ADAM22: variants seen among roughly 807,000 people sequenced by gnomAD.
ADAM22 encodes the protein ADAM metallopeptidase domain 22.
In ADAM22, 65 loss-of-function variants were observed where a neutral mutation model predicts 144.6. The ratio of observed to expected loss-of-function variants is 0.45; its 90% CI spans 0.37 to 0.55. The LOEUF (loss-of-function observed/expected upper bound fraction) is 0.55. Ranked by LOEUF, ADAM22 falls within the 20% of genes least tolerant of loss-of-function variation. ADAM22 has a pLI of 0.00. For synonymous variants in ADAM22, 391 were observed against 412.6 expected (o/e 0.95, Z 0.63); for missense variants, 974 against 1,184.9 (o/e 0.82, Z 2.61).
intron 3 of ADAM22, among the ~76,000 whole-genome samples, chr7:87,980,779 G>A (rs570094920): frequency 1.2e-4 from 19 of 152,256 alleles, no homozygotes; most frequent in African/African-American, 4.1e-4. Context: ...GAAAAGCACA[G>A]CCAGTTTCTT....
At chr7:88,121,280 A>AT (rs938709257) in intron 7 of ADAM22, among the ~76,000 whole-genome samples, 5 of 151,938 alleles carry the variant, frequency 3.3e-5, no homozygotes, top group Admixed American at 2.0e-4. Flanking sequence ...TAATTCTGGG[A>AT]TTTTTATTAG....
chr7:88,164,717 C>T (rs1331389210), intron 23 of ADAM22, among the ~76,000 whole-genome samples: 1 of 152,042 alleles, frequency 6.6e-6, no homozygotes, highest in African/African-American at 2.4e-5. Context: ...TTGTAAAACA[C>T]TTAAAACAAG....
chr7:88,146,843 C>G (rs1048634286), intron 17 of ADAM22, among the ~76,000 whole-genome samples: 3 of 152,194 alleles, frequency 2.0e-5, no homozygotes, highest in African/African-American at 7.2e-5. Flanking sequence ...CTCCTGGCAG[C>G]TTTTTAAGAC....
chr7:88,171,746 A>G (rs1273917452), intron 26 of ADAM22, among the ~76,000 whole-genome samples, 185 bp downstream of exon 26: 1 of 151,792 alleles, frequency 6.6e-6, no homozygotes, highest in Non-Finnish European at 1.5e-5. Context: ...AGCAATTTAA[A>G]ATAGATCTGT....
Position 88,083,198 on chromosome 7 carries a change from T to A in ADAM22, c.390+7506T>A, listed in dbSNP as rs1374377231. 3.9e-5 allele frequency among the ~76,000 whole-genome samples: 6 copies of A among 152,288 alleles called. No individual in the cohort carries two copies. The East Asian group carries it at 1.2e-3, about 29-fold the overall frequency. On this transcript the variant is annotated intron_variant, in intron 4 of 31. Coordinates refer to ENST00000413139, the MANE Select transcript of ADAM22 (RefSeq NM_001324418.2). ...CTCATGTCCTTTGTAGGGACATGGA[T>A]GAAGCTGGAAACCATCATTCTCAGC... is the stretch of plus-strand genomic sequence containing the variant.
intron 26 of ADAM22, among the ~76,000 whole-genome samples, chr7:88,176,926 A>G (rs746675802): frequency 9.2e-5 from 14 of 152,046 alleles, no homozygotes; most frequent in African/African-American, 2.4e-4. Context: ...CACCACACCC[A>G]GCTAATTTTT....
chr7:88,108,921 GATA>G (rs1398209491), intron 5 of ADAM22, among the ~76,000 whole-genome samples: 1 of 152,118 alleles, frequency 6.6e-6, no homozygotes, highest in African/African-American at 2.4e-5. Flanking sequence ...ACCTTAAAAT[GATA>G]TTTGAAGCAT....
chr7:88,193,096 T>G lies in ADAM22; in HGVS notation c.2751-20T>G, dbSNP rs769347739. ...GTTAGGCAATCACATGATACTTAATTCATGTTCTCAACATCTCAGGACTTT... is the reference window on the plus strand; with the variant it reads ...GTTAGGCAATCACATGATACTTAATGCATGTTCTCAACATCTCAGGACTTT... On this transcript the variant is annotated intron_variant, in intron 30 of 31. Coordinates refer to ENST00000413139, the MANE Select transcript of ADAM22 (RefSeq NM_001324418.2). 6.2e-7 allele frequency: 1 copy of G among 1,613,686 alleles called. No individual in the cohort carries two copies. The highest frequency in any genetic ancestry group is 1.7e-5 in the Admixed American group (1 of 59,994).
At chr7:87,947,647 C>A (rs1035781817) in intron 2 of ADAM22, among the ~76,000 whole-genome samples, 2 of 152,128 alleles carry the variant, frequency 1.3e-5, no homozygotes, top group Non-Finnish European at 2.9e-5. Context: ...AGACAATGTT[C>A]TCTCATAGTT....
Position 88,131,368 on chromosome 7 carries a change from C to T in ADAM22, c.925C>T (p.Leu309=), listed in dbSNP as rs1831719292. 2 of 1,613,636 alleles carry T rather than the reference C, an allele frequency of 1.2e-6. No homozygotes were observed. The highest frequency in any genetic ancestry group is 1.7e-6 in the Non-Finnish European group (2 of 1,179,842). Residue 309 remains leucine, a synonymous_variant, in exon 11 of 32, where the codon CTA becomes TTA. Coordinates refer to ENST00000413139, the MANE Select transcript of ADAM22 (RefSeq NM_001324418.2). ...CATATCTGAAAATCCATTGATCACCCTACGTGAGTTTATGAAATACAGGAG... is the reference window on the plus strand; with the variant it reads ...CATATCTGAAAATCCATTGATCACCTTACGTGAGTTTATGAAATACAGGAG... ...FAISENPLIT[L]REFMKYRRDF... is the part of the protein sequence containing the mutation.
intron 3 of ADAM22, among the ~76,000 whole-genome samples, chr7:88,044,619 TGTATATTTA>T (rs1804060655): frequency 6.6e-6 from 1 of 151,498 alleles, no homozygotes; most frequent in Admixed American, 6.6e-5. Context: ...GCTAATTTTT[TGTATATTTA>T]GTAGAGACAG....
intron 2 of ADAM22, among the ~76,000 whole-genome samples, chr7:87,959,217 C>A (rs2129444923): frequency 6.6e-6 from 1 of 152,186 alleles, no homozygotes; most frequent in South Asian, 2.1e-4. Context: ...GTGAACTTGG[C>A]AAACACTTAA....
rs145000995 is a variant in ADAM22, at chr7:88,005,590, G to A, written c.323+27178G>A. ...TGGATGTGAGCTCACAGAGACCAGT[G>A]AGCACCTATTATACACAGATGCTTA... On this transcript the variant is annotated intron_variant, in intron 3 of 31. Coordinates refer to ENST00000413139, the MANE Select transcript of ADAM22 (RefSeq NM_001324418.2). Among the ~76,000 whole-genome samples the A allele has an allele frequency of 6.0e-4, 91 of 152,274 alleles. No individual in the cohort carries two copies. In the Middle Eastern group the frequency reaches 0.02, roughly 34 times the overall value.
chr7:87,989,764 G>A (rs1637488), intron 3 of ADAM22, among the ~76,000 whole-genome samples: 87,390 of 151,620 alleles, frequency 0.58, 25,868 homozygotes, highest in African/African-American at 0.7. Flanking sequence ...AAAATCACCA[G>A]AATTTTCCAG....
At chr7:88,117,621 A>G (rs1356521530) in intron 7 of ADAM22, among the ~76,000 whole-genome samples, 1 of 151,538 alleles carries the variant, frequency 6.6e-6, no homozygotes, top group Non-Finnish European at 1.5e-5. Flanking sequence ...CACACTGAAT[A>G]TCTTTATTCA....
chr7:88,076,142 A>G (rs1002124263), intron 4 of ADAM22, among the ~76,000 whole-genome samples: 167 of 152,088 alleles, frequency 1.1e-3, no homozygotes, highest in Non-Finnish European at 4.0e-4. Context: ...GGTTCAAGTG[A>G]TTCTCCTGCC....
At chr7:88,162,557 A>G (rs980320134) in intron 22 of ADAM22, among the ~76,000 whole-genome samples, 1 of 152,114 alleles carries the variant, frequency 6.6e-6, no homozygotes, top group South Asian at 2.1e-4. Context: ...GTGAATATAT[A>G]TTTTCAATGC....
chr7:88,132,246 A>G (rs1337658138), intron 11 of ADAM22: 1 of 152,096 alleles, frequency 6.6e-6, no homozygotes, highest in African/African-American at 2.4e-5. Context: ...GAGTAAAAAG[A>G]CATTCTCTTA....
intron 3 of ADAM22, among the ~76,000 whole-genome samples, chr7:87,980,005 G>A (rs558123267): frequency 6.6e-6 from 1 of 152,250 alleles, no homozygotes; most frequent in Non-Finnish European, 1.5e-5. Flanking sequence ...AAGAAGGGAT[G>A]TTTATTCATG....
Sources: allele counts gnomAD v4.1 joint callset (sites outside exome capture counted in the v4.1 genomes callset), GRCh38; gene constraint gnomAD v4.1.1; transcripts MANE v1.5; gene names NCBI Gene and HGNC (gene_info 2026-07-23, HGNC 2026-07-21).